GABPB1: variants seen among roughly 807,000 people sequenced by gnomAD.
The protein encoded by GABPB1 is GA binding protein transcription factor subunit beta 1, also known as GA-binding protein subunit beta-1.
A neutral mutation model predicts 45.9 loss-of-function variants in GABPB1; 15 were observed. The ratio of observed to expected loss-of-function variants is 0.33; its 90% confidence interval spans 0.22 to 0.50. GABPB1 has a LOEUF of 0.50. GABPB1 is among the 20% of genes least tolerant of loss of function. The pLI is 0.98. For missense variants in GABPB1, 252 were observed against 457.5 expected (o/e 0.55, Z 4.10); for synonymous variants, 143 against 154.4 (o/e 0.93, Z 0.55).
chr15:50,342,619 A>T (rs778835766), intron 1 of GABPB1, among the ~76,000 whole-genome samples: 8 of 152,352 alleles, frequency 5.3e-5, no homozygotes, highest in Non-Finnish European at 1.0e-4. Context: ...GTGCTCTTCA[A>T]ACTGTTGGTC....
intron 1 of GABPB1, among the ~76,000 whole-genome samples, chr15:50,340,336 T>G (rs991221055): frequency 3.3e-5 from 5 of 152,302 alleles, no homozygotes; most frequent in African/African-American, 1.2e-4. Flanking sequence ...TCAAGTTCTA[T>G]GAAGTCTTCT....
At chr15:50,306,359 G>A (rs1311720283) in intron 2 of GABPB1, among the ~76,000 whole-genome samples, 1 of 152,190 alleles carries the variant, frequency 6.6e-6, no homozygotes, top group Non-Finnish European at 1.5e-5. Context: ...GCCAGGCGCA[G>A]TGGCTCACGC....
intron 6 of GABPB1, among the ~76,000 whole-genome samples, chr15:50,293,521 G>A (rs1303798585): frequency 6.6e-6 from 1 of 152,136 alleles, no homozygotes; most frequent in Non-Finnish European, 1.5e-5. Context: ...AAAATGAAAT[G>A]TAGGACATAA....
In GABPB1 at chr15:50,277,672, A is replaced by G. The variant is rs2045862160; in HGVS notation, c.*960T>C. On this transcript the variant is annotated 3_prime_UTR_variant, in exon 9 of 9. Transcript: ENST00000380877. ...TCCTGGGGAGAAATAAGTCCATAAA[A>G]TATTTCAGAAACCCATATGCATTGG... 2 of 152,650 alleles carry G rather than the reference A, an allele frequency of 1.3e-5. No individual in the cohort carries two copies. The highest frequency in any genetic ancestry group is 1.3e-4 in the Admixed American group (2 of 15,282). 9.5% of individuals were successfully genotyped at this position (152,650 alleles called of 1,614,324 possible).
chr15:50,287,942 T>C (rs185712664), intron 7 of GABPB1, among the ~76,000 whole-genome samples: 22 of 152,330 alleles, frequency 1.4e-4, no homozygotes, highest in Admixed American at 1.3e-3. Flanking sequence ...TTCAATGCCA[T>C]GCCTCCTCTG....
At chr15:50,332,565 CA>C (rs1475345099) in intron 1 of GABPB1, among the ~76,000 whole-genome samples, 1 of 151,694 alleles carries the variant, frequency 6.6e-6, no homozygotes, top group African/African-American at 2.4e-5. Context: ...ACTTTAAGCC[CA>C]TATCTTTTAT....
intron 1 of GABPB1, among the ~76,000 whole-genome samples, chr15:50,336,121 C>T (rs913215500): frequency 6.6e-6 from 1 of 151,786 alleles, no homozygotes. Flanking sequence ...GAGGCCAAGG[C>T]AGGTGGATCA....
chr15:50,303,878 A>G, intron 3 of GABPB1, 88 bp downstream of exon 3: 1 of 957,494 alleles, frequency 1.0e-6, no homozygotes, highest in Non-Finnish European at 1.5e-6. Context: ...TAAAATACTA[A>G]GTAGGCATTT....
intron 1 of GABPB1, chr15:50,351,870 T>C (rs1207847781): frequency 6.6e-6 from 1 of 152,184 alleles, no homozygotes; most frequent in Non-Finnish European, 1.5e-5. Flanking sequence ...CAGAAAACTA[T>C]AATACTAATT....
intron 1 of GABPB1, chr15:50,353,106 G>C (rs982889225): frequency 2.0e-4 from 31 of 152,276 alleles, no homozygotes; most frequent in Non-Finnish European, 1.3e-4. Context: ...GAATTCACGT[G>C]TTACTTGTGT....
intron 1 of GABPB1, among the ~76,000 whole-genome samples, chr15:50,339,744 C>T (rs1313629301): frequency 1.3e-5 from 2 of 152,000 alleles, no homozygotes; most frequent in Non-Finnish European, 2.9e-5. Flanking sequence ...AAGATAAGCT[C>T]GAAAGTTCCA....
chr15:50,342,714 T>G (rs1048444133), intron 1 of GABPB1, among the ~76,000 whole-genome samples: 1 of 152,216 alleles, frequency 6.6e-6, no homozygotes, highest in African/African-American at 2.4e-5. Context: ...AATGTAGTTA[T>G]CACACATGCA....
At position 50,335,503 on chromosome 15, in the gene GABPB1, T is replaced by C. The variant is rs940185678; in HGVS notation, c.-1+19482A>G. ...GTTAACTTCCTGCTTTAGGCTTTCT[T>C]CCAGAATTTGGCTTAACAGATTCCC... is the stretch of plus-strand genomic sequence containing the variant. On this transcript the variant is annotated intron_variant, in intron 1 of 8. Coordinates refer to ENST00000380877, the MANE Select transcript of GABPB1 (RefSeq NM_016654.5). Among the ~76,000 whole-genome samples the C allele has an allele frequency of 2.6e-5, 4 of 152,334 alleles. No individual in the cohort carries two copies. In the East Asian group the frequency reaches 5.8e-4, roughly 22 times the overall value.
intron 8 of GABPB1, among the ~76,000 whole-genome samples, chr15:50,279,000 T>G (rs1000674696): frequency 2.0e-5 from 3 of 152,154 alleles, no homozygotes; most frequent in African/African-American, 7.2e-5. Context: ...AATTTCTGAC[T>G]GCAAGGAAAT....
chr15:50,328,681 T>C (rs192898848), intron 1 of GABPB1, among the ~76,000 whole-genome samples: 254 of 152,344 alleles, frequency 1.7e-3, no homozygotes, highest in African/African-American at 6.0e-3. Context: ...ACTAGAAATC[T>C]GTGGCATCAT....
chr15:50,329,470 A>G (rs1316568743), intron 1 of GABPB1, among the ~76,000 whole-genome samples: 1 of 152,180 alleles, frequency 6.6e-6, no homozygotes, highest in Non-Finnish European at 1.5e-5. Context: ...ATGGTGTCAA[A>G]ATTAAAATAC....
At chr15:50,301,064 T>C (rs1274059399) in intron 5 of GABPB1, 162 bp from the exon 6 acceptor site, 4 of 874,276 alleles carry the variant, frequency 4.6e-6, no homozygotes, top group Admixed American at 5.1e-5. Flanking sequence ...TTTCTTCAGA[T>C]TGTTTTGTCT....
At chr15:50,306,971 A>G (rs1005854840) in intron 2 of GABPB1, among the ~76,000 whole-genome samples, 19 of 152,108 alleles carry the variant, frequency 1.2e-4, no homozygotes, top group Non-Finnish European at 2.4e-4. Flanking sequence ...ACTGATGAAC[A>G]TTTAGATTGT....
At chr15:50,353,851 G>C (rs1273856288) in intron 1 of GABPB1, 1 of 153,244 alleles carries the variant, frequency 6.5e-6, no homozygotes. Flanking sequence ...CCTTTTTCTA[G>C]ATAAAAAACG....
Sources: allele counts gnomAD v4.1 joint callset (sites outside exome capture counted in the v4.1 genomes callset), GRCh38; gene constraint gnomAD v4.1.1; transcripts MANE v1.5; gene names NCBI Gene and HGNC (gene_info 2026-07-23, HGNC 2026-07-21).